RABGGTA: variants seen among roughly 807,000 people sequenced by gnomAD.
The protein encoded by RABGGTA is geranylgeranyl transferase type-2 subunit alpha.
In RABGGTA, 69 loss-of-function variants were observed where a neutral mutation model predicts 83.3. The ratio of observed to expected loss-of-function variants is 0.83; its 90% CI spans 0.68 to 1.01. The LOEUF is 1.01. RABGGTA is among the 50% of genes least tolerant of loss of function. The pLI, the probability that RABGGTA is intolerant of heterozygous loss-of-function variation, is 0.00. For missense variants in RABGGTA, 681 were observed against 712.7 expected (o/e 0.96, Z 0.51); for synonymous variants, 310 against 299.8 (o/e 1.03, Z -0.35).
intron 3 of RABGGTA, 123 bp downstream of exon 3, chr14:24,270,712 CAT>C: frequency 7.2e-7 from 1 of 1,380,088 alleles, no homozygotes; most frequent in Non-Finnish European, 9.8e-7. Context: ...TGCCCAAAGT[CAT>C]ACAGTTATAA....
rs550446150 is a variant in RABGGTA, at chr14:24,269,712, C to T, written c.428-18G>A. 3.7e-6 allele frequency: 6 copies of T among 1,612,384 alleles called. No individual in the cohort carries two copies. The highest frequency in any genetic ancestry group is 1.3e-5 in the African/African-American group (1 of 75,004). Reference sequence around the variant, plus strand: ...GCAGTGAACTGGAGGGGAGAGGTGACAGCATATCTTAGAGGCAGGGCAAGA... The same window carrying T: ...GCAGTGAACTGGAGGGGAGAGGTGATAGCATATCTTAGAGGCAGGGCAAGA... On this transcript the variant is annotated intron_variant, in intron 5 of 16. Coordinates refer to ENST00000216840, the MANE Select transcript of RABGGTA (RefSeq NM_182836.3).
rs1203814707 is a variant in RABGGTA at position 24,270,354 on chromosome 14, G to A, written c.219C>T (p.Leu73=). 1.9e-6 allele frequency: 3 copies of A among 1,609,224 alleles called. No individual in the cohort carries two copies. Among genetic ancestry groups the A allele is most frequent in the East Asian group, 2.2e-5 (1 of 44,522 alleles). Residue 73 remains leucine (L), a synonymous_variant, in exon 4 of 17, where the codon CTC becomes CTT. Transcript: ENST00000216840. The part of the protein sequence containing the change: ...ATLWNCRREV[L]QQLETQKSPE... The stretch of plus-strand genomic sequence containing the variant: ...CGCACTTCTGAGTCTCCAGCTGCTG[G>A]AGCACCTCTCGTCGGCAGTTCCAGA...
At chr14:24,270,186 A>T in intron 4 of RABGGTA, 46 bp from the exon 5 acceptor site, 1 of 1,565,286 alleles carries the variant, frequency 6.4e-7, no homozygotes, top group Non-Finnish European at 8.7e-7. Context: ...CCTACAGTCA[A>T]CCTCAGCTCA....
At chr14:24,266,126 G>A (rs1347733879) in intron 16 of RABGGTA, among the ~76,000 whole-genome samples, 1 of 152,206 alleles carries the variant, frequency 6.6e-6, no homozygotes, top group African/African-American at 2.4e-5. Context: ...AGAGGAATTA[G>A]AACTCTAGAT....
Position 24,265,650 on chromosome 14 carries a change from C to T in RABGGTA, c.1669G>A (p.Glu557Lys), listed in dbSNP as rs989018387. 2.5e-6 allele frequency: 4 copies of T among 1,613,634 alleles called. No individual in the cohort carries two copies. The highest frequency in any genetic ancestry group is 3.4e-6 in the Non-Finnish European group (4 of 1,179,826). ...ACGCTGCTAACTGAAGGCAGCAGTT[C>T]AGCCAGTTGCTCCAAGATGCCCACC... Reference protein sequence around the residue: ...QAVGILEQLAELLPSVSSVLT With the variant: ...QAVGILEQLAKLLPSVSSVLT Residue 557 changes from glutamate to lysine, a missense_variant, in exon 17 of 17, where the codon GAA (glutamate) becomes AAA (lysine). Around this residue, in one of 5 missense-constraint regions of RABGGTA, gnomAD observed 421 missense variants for 418.5 expected, o/e 1.01. Transcript: ENST00000216840.
chr14:24,267,646 A>G lies in RABGGTA; in HGVS notation c.1353+14T>C, dbSNP rs376217968. Reference sequence around the variant, plus strand: ...GGATGAGGGCCAGGGGAAGGCATGCATGGCAGCCCATACCTTGTGAGCCAG... The same window carrying G: ...GGATGAGGGCCAGGGGAAGGCATGCGTGGCAGCCCATACCTTGTGAGCCAG... On this transcript the variant is annotated intron_variant, in intron 14 of 16. Transcript: ENST00000216840. 163 of 1,601,178 alleles carry G rather than the reference A, an allele frequency of 1.0e-4. No individual in the cohort carries two copies. The highest frequency in any genetic ancestry group is 1.3e-4 in the Non-Finnish European group (158 of 1,173,240).
intron 11 of RABGGTA, 25 bp from the exon 12 acceptor site, chr14:24,268,223 A>T (rs1400970888): frequency 6.2e-7 from 1 of 1,607,842 alleles, no homozygotes; most frequent in East Asian, 2.2e-5. Context: ...GGTGGGGAGG[A>T]GTTGAGGCCC....
intron 3 of RABGGTA, 139 bp from the exon 4 acceptor site, chr14:24,270,597 C>T (rs2040935478): frequency 8.2e-7 from 1 of 1,214,948 alleles, no homozygotes; most frequent in Non-Finnish European, 1.2e-6. Flanking sequence ...TATGGCCTTA[C>T]AGGTATTCTC....
At chr14:24,266,719 G>C (rs1458687692) in intron 15 of RABGGTA, 57 bp downstream of exon 15, 4 of 1,481,372 alleles carry the variant, frequency 2.7e-6, no homozygotes, top group Non-Finnish European at 3.8e-6. Context: ...AGACTTCTGA[G>C]GGAGAGGAAG....
chr14:24,270,115 C>T lies in RABGGTA; in HGVS notation c.265G>A (p.Val89Met). Residue 89 changes from valine (V) to methionine (M), a missense_variant, in exon 5 of 17, where the codon GTG becomes ATG. Transcript: ENST00000216840. ...QKSPEELAALVKAELGFLESC... is the reference protein window; with the variant it reads ...QKSPEELAALMKAELGFLESC... ...TCCAGGAAGCCCAGTTCTGCCTTCACCAGAGCAGCCAACTCTTCAGGAGAC... is the reference window on the plus strand; with the variant it reads ...TCCAGGAAGCCCAGTTCTGCCTTCATCAGAGCAGCCAACTCTTCAGGAGAC... 3.1e-6 allele frequency: 5 copies of T among 1,608,182 alleles called. No homozygotes were observed. Among genetic ancestry groups the T allele is most frequent in the Non-Finnish European group, 4.2e-6 (5 of 1,177,422 alleles).
In RABGGTA at chr14:24,270,925, G is replaced by A. The variant is rs1482725704; in HGVS notation, c.26C>T (p.Thr9Met). ...TTTGGCCTCCGCCTGCTCTTCTGAC[G>A]TCTTCACCTTCAGGCGTCCGTGCTA... MHGRLKVK[T>M]SEEQAEAKRL... is the part of the protein sequence containing the mutation. The change falls in exon 3 of 17, where the codon ACG becomes ATG. Residue 9 changes from threonine (T) to methionine (M), a missense_variant. By Grantham distance (81) the Thr-to-Met change is moderately conservative (BLOSUM62 -1). Around this residue, in one of 5 missense-constraint regions of RABGGTA, gnomAD observed 115 missense variants for 111.5 expected, o/e 1.03. Transcript: ENST00000216840. 2 of 1,613,982 alleles carry A rather than the reference G, an allele frequency of 1.2e-6. No individual in the cohort carries two copies. Among genetic ancestry groups the A allele is most frequent in the East Asian group, 4.5e-5 (2 of 44,890 alleles).
chr14:24,269,407 T>C, intron 6 of RABGGTA, 84 bp downstream of exon 6: 3 of 1,443,434 alleles, frequency 2.1e-6, no homozygotes, highest in Non-Finnish European at 2.9e-6. Context: ...TAAACCTGAG[T>C]GACAGGTTCA....
intron 6 of RABGGTA, 49 bp downstream of exon 6, chr14:24,269,441 TG>T (rs1429223997): frequency 6.6e-7 from 1 of 1,518,164 alleles, no homozygotes; most frequent in African/African-American, 1.4e-5. Context: ...GCATGGGGGC[TG>T]GAAGGGTGGC....
rs956822832 is a variant in RABGGTA, at chr14:24,267,513, G to A, written c.1353+147C>T. On this transcript the variant is annotated intron_variant, in intron 14 of 16. Coordinates refer to ENST00000216840, the MANE Select transcript of RABGGTA (RefSeq NM_182836.3). ...GAAGAATGGGCTGAGTGACAGAAAG[G>A]CCTGGAAGAGGAGCAAGCTGGGAGG... 9.4e-6 allele frequency: 6 copies of A among 638,622 alleles called. No individual in the cohort carries two copies. The South Asian group carries it at 1.2e-4, about 12-fold the overall frequency. 39.6% of individuals were successfully genotyped at this position (638,622 alleles called of 1,614,324 possible).
chr14:24,266,341 G>A, intron 16 of RABGGTA, 89 bp downstream of exon 16: 2 of 1,217,510 alleles, frequency 1.6e-6, no homozygotes, highest in Non-Finnish European at 2.4e-6. Context: ...CTGCAAGAGG[G>A]TGGCACATAC....
rs778613072 is a variant in RABGGTA at position 24,267,926 on chromosome 14, C to A, written c.1180G>T (p.Ala394Ser). Residue 394 changes from alanine to serine, a missense_variant, in exon 13 of 17, where the codon GCA (alanine) becomes TCA (serine). By Grantham distance (99) the Ala-to-Ser change is moderately conservative (BLOSUM62 1). Transcript: ENST00000216840. ...CLLTIILLMR[A>S]LDPLLYEKET... ...TTCTCATACAGCAGGGGGTCCAGTG[C>A]CCGCATCAGCAGGATGATGGTAAGC... 2 of 1,613,658 alleles carry A rather than the reference C, an allele frequency of 1.2e-6. No homozygotes were observed. The highest frequency in any genetic ancestry group is 1.3e-5 in the African/African-American group (1 of 74,878).
rs143087688 is a variant in RABGGTA, at chr14:24,265,555, C to T, written c.*60G>A. 4,603 of 1,566,796 alleles carry T rather than the reference C, an allele frequency of 2.9e-3. 11 individuals are homozygous for T. Among genetic ancestry groups the T allele is most frequent in the Middle Eastern group, 0.011 (60 of 5,328 alleles). On this transcript the variant is annotated 3_prime_UTR_variant, in exon 17 of 17. Coordinates refer to ENST00000216840, the MANE Select transcript of RABGGTA (RefSeq NM_182836.3). ...ACAACAGCTTGGTAGCCTGAGAGGGCCTCTCCATTCTTTATTCAGTCCCAA... is the reference window on the plus strand; with the variant it reads ...ACAACAGCTTGGTAGCCTGAGAGGGTCTCTCCATTCTTTATTCAGTCCCAA...
At chr14:24,268,475 G>C (rs1483546814) in intron 10 of RABGGTA, 39 bp downstream of exon 10, 2 of 1,613,696 alleles carry the variant, frequency 1.2e-6, no homozygotes, top group Admixed American at 1.7e-5. Context: ...AAGAGTGATG[G>C]GGGCTGCTGC....
At chr14:24,266,150 T>C (rs554866883) in intron 16 of RABGGTA, among the ~76,000 whole-genome samples, 61 of 152,344 alleles carry the variant, frequency 4.0e-4, no homozygotes, top group African/African-American at 1.3e-3. Flanking sequence ...TTTTAAAGTA[T>C]GAAAGTTCCT....
Sources: allele counts gnomAD v4.1 joint callset (sites outside exome capture counted in the v4.1 genomes callset), GRCh38; gene constraint gnomAD v4.1.1; regional missense constraint gnomAD v4.1.1; transcripts MANE v1.5; gene names NCBI Gene and HGNC (gene_info 2026-07-23, HGNC 2026-07-21).